The following GJC2 variants were observed in gnomAD, a reference collection of about 807,000 sequenced individuals.
GJC2 encodes the protein gap junction protein gamma 2.
For synonymous variants in GJC2, 336 were observed against 307.5 expected (o/e 1.09, Z -0.97); for missense variants, 647 against 648.9 (o/e 1.00, Z 0.03).
chr1:228,157,803 G>A lies in GJC2; in HGVS notation c.45G>A (p.Glu15=). The change falls in exon 2 of 2, where the codon GAG becomes GAA. Residue 15 remains glutamate (E), a synonymous_variant. Transcript: ENST00000366714. The part of the protein sequence containing the change: ...SWSFLTRLLE[E]IHNHSTFVGK... ...GCTTCCTGACGCGGCTGCTGGAGGAGATCCACAACCACTCCACCTTCGTGG... is the reference window on the plus strand; with the variant it reads ...GCTTCCTGACGCGGCTGCTGGAGGAAATCCACAACCACTCCACCTTCGTGG... 6.3e-7 allele frequency: 1 copy of A among 1,585,316 alleles called. No homozygotes were observed. Among genetic ancestry groups the A allele is most frequent in the Non-Finnish European group, 8.6e-7 (1 of 1,166,706 alleles).
chr1:228,155,668 A>T (rs1426825817), intron 1 of GJC2, among the ~76,000 whole-genome samples: 3 of 152,130 alleles, frequency 2.0e-5, no homozygotes, highest in African/African-American at 4.8e-5. Flanking sequence ...CTTCCAGACC[A>T]TTCCCAGGAC....
In GJC2 at chr1:228,159,186, G is replaced by C; in HGVS notation, c.*108G>C. The C allele has an allele frequency of 7.5e-7, 1 of 1,325,916 alleles. No homozygotes were observed. The highest frequency in any genetic ancestry group is 1.1e-6 in the Non-Finnish European group (1 of 949,822). The allele number at this position is 1,325,916 out of a possible 1,614,324, so 82.1% of individuals were successfully genotyped here. On this transcript the variant is annotated 3_prime_UTR_variant, in exon 2 of 2. Transcript: ENST00000366714. The surrounding 1 kb of genome is among the most constrained non-coding windows in gnomAD (Gnocchi z 4.0). ...TCTCCTTAGCCGGTGGCCTCAGGCA[G>C]ACTCTGCCCAGAGGGGCAGCCAGGC...
At position 228,157,741 on chromosome 1, in the gene GJC2, A is replaced by ATCCCCCCCCCC; in HGVS notation, c.-18_-17insTCCCCCCCCCC. 1 of 354,470 alleles carries ATCCCCCCCCCC rather than the reference A, an allele frequency of 2.8e-6. No individual in the cohort carries two copies. The highest frequency in any genetic ancestry group is 5.6e-6 in the Non-Finnish European group (1 of 177,092). The allele number at this position is 354,470 out of a possible 1,614,324, so 22.0% of individuals were successfully genotyped here. ...GCTGACCCCTACCCCGCCCCACAGG[A>ATCCCCCCCCCC]CCCGCCCGCCCGCCCCTATGACCAA... On this transcript the variant is annotated splice_region_variant and 5_prime_UTR_variant, in exon 2 of 2. Transcript: ENST00000366714.
In GJC2 at chr1:228,152,845, C is replaced by T. The variant is rs998073095; in HGVS notation, c.-20+2838C>T. Among the ~76,000 whole-genome samples the T allele has an allele frequency of 3.3e-5, 5 of 152,090 alleles. No individual in the cohort carries two copies. The highest frequency in any genetic ancestry group is 1.2e-4 in the African/African-American group (5 of 41,428). On this transcript the variant is annotated intron_variant, in intron 1 of 1. Coordinates refer to ENST00000366714, the MANE Select transcript of GJC2 (RefSeq NM_020435.4). The surrounding 1 kb of genome is among the most constrained non-coding windows in gnomAD (Gnocchi z 7.3). ...CCACTCCCAGACCTGGGCCAGGCAG[C>T]GTCCTGGCTGGTGGCCTCCTGTGGT...
At chr1:228,157,130 C>T (rs536398285) in intron 1 of GJC2, among the ~76,000 whole-genome samples, 1 of 141,470 alleles carries the variant, frequency 7.1e-6, no homozygotes, top group South Asian at 2.2e-4. Context: ...GGAGGGACCC[C>T]GACGCCCCTG....
At chr1:228,156,904 T>C (rs2034686437) in intron 1 of GJC2, among the ~76,000 whole-genome samples, 1 of 152,244 alleles carries the variant, frequency 6.6e-6, no homozygotes, top group Non-Finnish European at 1.5e-5. Context: ...GTGCTGAGTG[T>C]GGCCTCACAT....
rs1283776644 is a variant in GJC2, at chr1:228,159,094, A to G, written c.*16A>G. ...GTGGATCTGAGGGCGCTGGCTTGCG[A>G]GCTGGGCCAGGGAGGAGGAGGGTTG... On this transcript the variant is annotated 3_prime_UTR_variant, in exon 2 of 2. Transcript: ENST00000366714. This position sits in a 1 kb window ranked among gnomAD's most constrained non-coding sequence, Gnocchi z 4.0. The G allele has an allele frequency of 6.2e-7, 1 of 1,608,048 alleles. No homozygotes were observed. The highest frequency in any genetic ancestry group is 1.1e-5 in the South Asian group (1 of 90,842).
In GJC2 at chr1:228,158,484, C is replaced by A. The variant is rs1358564050; in HGVS notation, c.726C>A (p.Phe242Leu). The A allele has an allele frequency of 6.2e-7, 1 of 1,612,430 alleles. No homozygotes were observed. Reference protein sequence around the residue: ...YLLYGFEVRPFFPCSRQPCPH... With the variant: ...YLLYGFEVRPLFPCSRQPCPH... ...TGTACGGCTTCGAGGTGCGACCGTT[C>A]TTTCCCTGCAGCCGCCAGCCCTGCC... The change falls in exon 2 of 2, where the codon TTC becomes TTA. Residue 242 changes from phenylalanine to leucine, a missense_variant. Physicochemically the swap from Phe to Leu is conservative, Grantham distance 22. Transcript: ENST00000366714. This position sits in a 1 kb window ranked among gnomAD's most constrained non-coding sequence, Gnocchi z 8.3.
chr1:228,159,233 GC>G lies in GJC2; in HGVS notation c.*156del. On this transcript the variant is annotated 3_prime_UTR_variant, in exon 2 of 2. Coordinates refer to ENST00000366714, the MANE Select transcript of GJC2 (RefSeq NM_020435.4). This position sits in a 1 kb window ranked among gnomAD's most constrained non-coding sequence, Gnocchi z 4.0. ...AGGCTGCTCAGGGAAGGGGCTGAAA[GC>G]GGCAGAGGAGTGCCCTGGCTTGGTC... 1.1e-6 allele frequency: 1 copy of G among 905,988 alleles called. No homozygotes were observed. The highest frequency in any genetic ancestry group is 1.7e-6 in the Non-Finnish European group (1 of 596,020). The allele number at this position is 905,988 out of a possible 1,614,324, so 56.1% of individuals were successfully genotyped here.
Position 228,154,598 on chromosome 1 carries a change from CAG to C in GJC2, c.-19-3139_-19-3138del, listed in dbSNP as rs140958466. Reference sequence around the variant, plus strand: ...ATGGGGGTCATGCTCCCCTCCAGTACAGAGTGTCCACATGGCTGCTTTGGATT... The same window carrying C: ...ATGGGGGTCATGCTCCCCTCCAGTACAGTGTCCACATGGCTGCTTTGGATT... On this transcript the variant is annotated intron_variant, in intron 1 of 1. Coordinates refer to ENST00000366714, the MANE Select transcript of GJC2 (RefSeq NM_020435.4). Among the ~76,000 whole-genome samples, 569 of 152,316 alleles carry C rather than the reference CAG, an allele frequency of 3.7e-3. 11 individuals are homozygous for C. Among genetic ancestry groups the C allele is most frequent in the East Asian group, 0.031 (160 of 5,178 alleles).
Position 228,158,895 on chromosome 1 carries a change from G to C in GJC2, c.1137G>C (p.Ala379=). The part of the protein sequence containing the change: ...RDSSPCVGLP[A]ASRGPPRAGA... ...GTTCGCCGTGCGTCGGCCTCCCTGC[G>C]GCCTCCCGGGGGCCCCCCAGAGCAG... Residue 379 remains alanine, a synonymous_variant, in exon 2 of 2, where the codon GCG becomes GCC. Transcript: ENST00000366714. The surrounding 1 kb of genome is among the most constrained non-coding windows in gnomAD (Gnocchi z 8.3). 6.7e-7 allele frequency: 1 copy of C among 1,488,608 alleles called. No homozygotes were observed. The highest frequency in any genetic ancestry group is 8.9e-7 in the Non-Finnish European group (1 of 1,128,168). 92.2% of individuals were successfully genotyped at this position (1,488,608 alleles called of 1,614,324 possible).
rs192169929 is a variant in GJC2, at chr1:228,152,656, G to A, written c.-20+2649G>A. 9.4e-4 allele frequency among the ~76,000 whole-genome samples: 142 copies of A among 151,648 alleles called. 1 individual carries two copies. In the East Asian group the frequency reaches 0.015, roughly 17 times the overall value. On this transcript the variant is annotated intron_variant, in intron 1 of 1. Coordinates refer to ENST00000366714, the MANE Select transcript of GJC2 (RefSeq NM_020435.4). The surrounding 1 kb of genome is among the most constrained non-coding windows in gnomAD (Gnocchi z 7.3). ...TGTGAGCCCCCGATGCCACCAGGGCGAGACCGCCCCCACTGTGAAGCCCCC... is the reference window on the plus strand; with the variant it reads ...TGTGAGCCCCCGATGCCACCAGGGCAAGACCGCCCCCACTGTGAAGCCCCC...
chr1:228,156,244 G>C (rs969092938), intron 1 of GJC2, among the ~76,000 whole-genome samples: 6 of 152,264 alleles, frequency 3.9e-5, no homozygotes, highest in Admixed American at 1.3e-4. Context: ...GCACAAGTGT[G>C]TATGTGCCAC....
In GJC2 at chr1:228,158,073, G is replaced by T. The variant is rs1349728412; in HGVS notation, c.315G>T (p.Ala105=). ...ACGCCGTGCACCGCCTGGCCCGTGC[G>T]TCTGAGCAGGAGCGGCGCCGCGCCC... The part of the protein sequence containing the change: ...LGYAVHRLAR[A]SEQERRRALR... The change falls in exon 2 of 2, where the codon GCG becomes GCT. Residue 105 remains alanine (A), a synonymous_variant. Transcript: ENST00000366714. This position sits in a 1 kb window ranked among gnomAD's most constrained non-coding sequence, Gnocchi z 8.3. The T allele has an allele frequency of 3.7e-6, 6 of 1,600,186 alleles. No individual in the cohort carries two copies. Among genetic ancestry groups the T allele is most frequent in the Non-Finnish European group, 5.1e-6 (6 of 1,176,972 alleles).
Position 228,157,744 on chromosome 1 carries a change from C to A in GJC2, c.-15C>A. On this transcript the variant is annotated 5_prime_UTR_variant, in exon 2 of 2. Coordinates refer to ENST00000366714, the MANE Select transcript of GJC2 (RefSeq NM_020435.4). ...GACCCCTACCCCGCCCCACAGGACC[C>A]GCCCGCCCGCCCCTATGACCAACAT... is the stretch of plus-strand genomic sequence containing the variant. The A allele has an allele frequency of 8.4e-6, 3 of 358,324 alleles. No homozygotes were observed. Among genetic ancestry groups the A allele is most frequent in the Non-Finnish European group, 1.7e-5 (3 of 177,202 alleles). 22.2% of individuals were successfully genotyped at this position (358,324 alleles called of 1,614,324 possible).
chr1:228,157,740 G>GGGGGGGGGGCCCCCCCC lies in GJC2; in HGVS notation c.-19_-18insGGGGGGGGGCCCCCCCC. Reference sequence around the variant, plus strand: ...GGCTGACCCCTACCCCGCCCCACAGGACCCGCCCGCCCGCCCCTATGACCA... The same window carrying GGGGGGGGGGCCCCCCCC: ...GGCTGACCCCTACCCCGCCCCACAGGGGGGGGGGGCCCCCCCCACCCGCCCGCCCGCCCCTATGACCA... On this transcript the variant is annotated splice_region_variant and 5_prime_UTR_variant, in exon 2 of 2. Transcript: ENST00000366714. The GGGGGGGGGGCCCCCCCC allele has an allele frequency of 1.5e-6, 1 of 662,262 alleles. No homozygotes were observed. The highest frequency in any genetic ancestry group is 2.6e-6 in the Non-Finnish European group (1 of 378,506). The allele number at this position is 662,262 out of a possible 1,614,324, so 41.0% of individuals were successfully genotyped here. A position where few individuals can be genotyped will look rare whatever the true frequency, so the allele number is the denominator to read the frequency against.
At position 228,158,193 on chromosome 1, in the gene GJC2, G is replaced by A. The variant is rs1406510182; in HGVS notation, c.435G>A (p.Glu145=). Residue 145 remains glutamate, a synonymous_variant, in exon 2 of 2, where the codon GAG becomes GAA. Transcript: ENST00000366714. This position sits in a 1 kb window ranked among gnomAD's most constrained non-coding sequence, Gnocchi z 8.3. ...AGCCCGCCGACCTGGGCGAGGAGGA[G>A]CCCATGCTGGGCCTGGGCGAGGAGG... is the stretch of plus-strand genomic sequence containing the variant. ...WPEPADLGEE[E]PMLGLGEEEE... is the part of the protein sequence containing the mutation. 8 of 1,463,662 alleles carry A rather than the reference G, an allele frequency of 5.5e-6. No homozygotes were observed. Among genetic ancestry groups the A allele is most frequent in the East Asian group, 2.6e-5 (1 of 39,154 alleles). The allele number at this position is 1,463,662 out of a possible 1,614,324, so 90.7% of individuals were successfully genotyped here. A position where few individuals can be genotyped will look rare whatever the true frequency, so the allele number is the denominator to read the frequency against.
At chr1:228,157,615 A>C in intron 1 of GJC2, 125 bp from the exon 2 acceptor site, 1 of 621,868 alleles carries the variant, frequency 1.6e-6, no homozygotes, top group Admixed American at 2.9e-5. Flanking sequence ...TTAAGGCGGT[A>C]AGCTCCACGT....
chr1:228,156,455 ATC>A (rs1219797037), intron 1 of GJC2, among the ~76,000 whole-genome samples: 1 of 152,182 alleles, frequency 6.6e-6, no homozygotes, highest in East Asian at 1.9e-4. Context: ...ACACATGTGA[ATC>A]TGTGGGTATG....
Sources: gnomAD v4.1 joint callset for allele counts (sites outside exome capture counted in the v4.1 genomes callset) on GRCh38, gnomAD v4.1.1 for gene constraint, Gnocchi (gnomAD v3.1) non-coding constraint, MANE v1.5 for transcripts, NCBI Gene and HGNC (gene_info 2026-07-23, HGNC 2026-07-21) for gene names.